FANCI: variants seen among roughly 807,000 people sequenced by gnomAD.
FANCI encodes Fanconi anemia group I protein.
Under a neutral mutation model 176.1 loss-of-function variants are expected in FANCI, and 156 were observed. The observed-to-expected ratio is 0.89, with a 90% CI of 0.78 to 1.01. FANCI has a LOEUF of 1.01. FANCI is among the 50% of genes least tolerant of loss of function. The pLI, the probability that FANCI is intolerant of heterozygous loss-of-function variation, is 0.00. For synonymous variants in FANCI, 613 were observed against 541.7 expected, an observed-to-expected ratio of 1.13 and a Z score of -1.83; for missense variants, 1,678 against 1,534.1, an observed-to-expected ratio of 1.09 and a Z score of -1.57.
chr15:89,312,891 T>C lies in FANCI; in HGVS notation c.3652-13T>C, dbSNP rs2055025780. The stretch of plus-strand genomic sequence containing the variant: ...ATCATCAGGAATAAGAGAATGTGTT[T>C]CTATTTCTTTAGAATAAGAGTAAGA... On this transcript the variant is annotated splice_polypyrimidine_tract_variant and intron_variant, in intron 34 of 37. Transcript: ENST00000310775. 6.2e-6 allele frequency: 10 copies of C among 1,607,910 alleles called. No homozygotes were observed. In the South Asian group the frequency reaches 8.8e-5, roughly 14 times the overall value.
At chr15:89,295,146 C>T in intron 24 of FANCI, 52 bp downstream of exon 24, 3 of 1,518,118 alleles carry the variant, frequency 2.0e-6, no homozygotes, top group South Asian at 1.3e-5. Context: ...GTGGTGTCTC[C>T]AAGAGAACAA....
intron 37 of FANCI, among the ~76,000 whole-genome samples, chr15:89,315,692 A>G (rs1424506078): frequency 6.6e-6 from 1 of 152,196 alleles, no homozygotes; most frequent in Non-Finnish European, 1.5e-5. Flanking sequence ...CAGCTATAGC[A>G]GTCTGGCTCA....
intron 14 of FANCI, among the ~76,000 whole-genome samples, chr15:89,279,219 G>A (rs139071574): frequency 1.3e-5 from 2 of 152,026 alleles, no homozygotes; most frequent in Non-Finnish European, 1.5e-5. Context: ...GTGCAGTGGC[G>A]CAATCTCAGC....
At chr15:89,257,990 T>A (rs964311464) in intron 2 of FANCI, among the ~76,000 whole-genome samples, 2 of 152,212 alleles carry the variant, frequency 1.3e-5, no homozygotes, top group Non-Finnish European at 2.9e-5. Flanking sequence ...TGTAAGATTC[T>A]TCATAATCTG....
chr15:89,263,654 A>T (rs1048003161), intron 7 of FANCI, among the ~76,000 whole-genome samples, 194 bp downstream of exon 7: 1 of 152,208 alleles, frequency 6.6e-6, no homozygotes, highest in Non-Finnish European at 1.5e-5. Context: ...TATTTAAAAC[A>T]TAACTTTATT....
At chr15:89,264,236 GA>G (rs1299454133) in intron 8 of FANCI, among the ~76,000 whole-genome samples, 1 of 152,168 alleles carries the variant, frequency 6.6e-6, no homozygotes, top group African/African-American at 2.4e-5. Flanking sequence ...CTCATCCAAG[GA>G]AAACATGCAT....
intron 26 of FANCI, among the ~76,000 whole-genome samples, 184 bp downstream of exon 26, chr15:89,300,569 G>A (rs747857759): frequency 5.1e-4 from 77 of 152,182 alleles, no homozygotes; most frequent in Non-Finnish European, 8.8e-4. Flanking sequence ...ACCCTAGTGA[G>A]GATAGGTATT....
intron 23 of FANCI, among the ~76,000 whole-genome samples, chr15:89,294,603 G>C (rs929445760): frequency 9.2e-5 from 13 of 140,654 alleles, no homozygotes; most frequent in African/African-American, 3.4e-4. Context: ...AAAAAGGTAG[G>C]GGGGGTGACT....
At chr15:89,310,371 T>C (rs1393500473) in intron 34 of FANCI, among the ~76,000 whole-genome samples, 1 of 152,244 alleles carries the variant, frequency 6.6e-6, no homozygotes, top group Admixed American at 6.5e-5. Flanking sequence ...CTTGTTGACA[T>C]GTAAAATGTT....
At chr15:89,267,451 C>T (rs1375097325) in intron 9 of FANCI, among the ~76,000 whole-genome samples, 1 of 150,556 alleles carries the variant, frequency 6.6e-6, no homozygotes, top group Non-Finnish European at 1.5e-5. Flanking sequence ...TAAGATGGGA[C>T]TTTATTGTTT....
intron 35 of FANCI, among the ~76,000 whole-genome samples, 155 bp from the exon 36 acceptor site, chr15:89,314,457 G>A (rs533300012): frequency 1.7e-3 from 254 of 145,314 alleles, no homozygotes; most frequent in African/African-American, 6.3e-3. Flanking sequence ...AGATTGAACT[G>A]CCAAAAATTT....
chr15:89,291,738 A>T lies in FANCI; in HGVS notation c.1992+24A>T, dbSNP rs760731528. On this transcript the variant is annotated intron_variant, in intron 20 of 37. Coordinates refer to ENST00000310775, the MANE Select transcript of FANCI (RefSeq NM_001113378.2). ...TGGTGAGACTTTTATTCTTCCTTCA[A>T]CCATTATTTTTAGTATTAAGGATAG... The T allele has an allele frequency of 3.2e-6, 5 of 1,582,140 alleles. No individual in the cohort carries two copies. The South Asian group carries it at 5.5e-5, about 17-fold the overall frequency.
At chr15:89,244,128 C>T (rs1235141237) in intron 1 of FANCI, 95 bp downstream of exon 1, 1 of 152,544 alleles carries the variant, frequency 6.6e-6, no homozygotes, top group Admixed American at 6.5e-5. Context: ...AAAGGAGGCT[C>T]CTGTCCTGAC....
chr15:89,307,263 G>T (rs553956953), intron 32 of FANCI, among the ~76,000 whole-genome samples: 11 of 152,368 alleles, frequency 7.2e-5, no homozygotes, highest in South Asian at 2.1e-4. Flanking sequence ...TTAAAGAAAT[G>T]AGCAAATCAG....
chr15:89,311,820 T>C (rs552221631), intron 34 of FANCI, among the ~76,000 whole-genome samples: 14 of 152,326 alleles, frequency 9.2e-5, no homozygotes, highest in Admixed American at 6.5e-4. Context: ...GCATGGTATG[T>C]TCCCTTCCTA....
intron 34 of FANCI, among the ~76,000 whole-genome samples, chr15:89,309,447 A>G (rs1333087452): frequency 1.3e-5 from 2 of 152,122 alleles, no homozygotes; most frequent in African/African-American, 4.8e-5. Flanking sequence ...CGTGGTGTCC[A>G]TTTGCATATT....
intron 2 of FANCI, among the ~76,000 whole-genome samples, chr15:89,248,077 T>C (rs929064286): frequency 6.6e-6 from 1 of 152,250 alleles, no homozygotes; most frequent in Admixed American, 6.5e-5. Flanking sequence ...ATTGAGACAT[T>C]AGTTTTGCAT....
chr15:89,279,147 G>T (rs960112071), intron 14 of FANCI, among the ~76,000 whole-genome samples: 4 of 134,782 alleles, frequency 3.0e-5, no homozygotes, highest in African/African-American at 1.5e-4. Context: ...CTGTTTTGTT[G>T]TTGTTGTTGT....
At chr15:89,252,986 T>A (rs2052328136) in intron 2 of FANCI, among the ~76,000 whole-genome samples, 1 of 152,156 alleles carries the variant, frequency 6.6e-6, no homozygotes, top group African/African-American at 2.4e-5. Flanking sequence ...CACACAGGGA[T>A]AGTTAGGGAA....
Sources: allele counts gnomAD v4.1 joint callset (sites outside exome capture counted in the v4.1 genomes callset), GRCh38; gene constraint gnomAD v4.1.1; transcripts MANE v1.5; gene names NCBI Gene and HGNC (gene_info 2026-07-23, HGNC 2026-07-21).